CAP2: variants seen among roughly 807,000 people sequenced by gnomAD.
CAP2 encodes the protein adenylyl cyclase-associated protein 2.
Under a neutral mutation model 57.7 loss-of-function variants are expected in CAP2, and 24 were observed. The observed-to-expected ratio is 0.42, with a 90% CI of 0.30 to 0.58. The LOEUF (loss-of-function observed/expected upper bound fraction) is 0.58, where lower values mean the gene tolerates loss of function less well. Among genes scored for constraint, CAP2 ranks in the 20% least tolerant of loss-of-function variants. CAP2 has a pLI of 0.22. For synonymous variants in CAP2, 194 were observed against 207.2 expected (o/e 0.94, Z 0.55); for missense variants, 501 against 590.3 (o/e 0.85, Z 1.57).
intron 3 of CAP2, among the ~76,000 whole-genome samples, chr6:17,435,181 G>GTA (rs1357618245): frequency 4.4e-5 from 5 of 113,780 alleles, no homozygotes; most frequent in African/African-American, 1.3e-4. Flanking sequence ...CCATTACTGG[G>GTA]TATATATCCA....
intron 1 of CAP2, among the ~76,000 whole-genome samples, chr6:17,405,247 T>A (rs1346505740): frequency 6.6e-6 from 1 of 151,838 alleles, no homozygotes; most frequent in Non-Finnish European, 1.5e-5. Flanking sequence ...CCAGGTGTGG[T>A]ATAGACGCTT....
Position 17,550,829 on chromosome 6 carries a change from G to A in CAP2, c.1210-635G>A, listed in dbSNP as rs531869856. ...TACTTATCTATATAATGAGTGTCCT[G>A]AGCCAAGCCCCCAGTTTTGTCTCCT... On this transcript the variant is annotated intron_variant, in intron 11 of 12. Coordinates refer to ENST00000229922, the MANE Select transcript of CAP2 (RefSeq NM_006366.3). 1.4e-4 allele frequency among the ~76,000 whole-genome samples: 21 copies of A among 152,152 alleles called. No individual in the cohort carries two copies. In the South Asian group the frequency reaches 3.9e-3, roughly 29 times the overall value.
intron 1 of CAP2, among the ~76,000 whole-genome samples, chr6:17,397,476 C>G (rs550907755): frequency 6.6e-6 from 1 of 151,866 alleles, no homozygotes; most frequent in Non-Finnish European, 1.5e-5. Flanking sequence ...GGGCGCATCA[C>G]GAGGTCAGGA....
At chr6:17,394,900 GA>G (rs1270526683) in intron 1 of CAP2, among the ~76,000 whole-genome samples, 3 of 152,200 alleles carry the variant, frequency 2.0e-5, no homozygotes, top group Admixed American at 6.5e-5. Flanking sequence ...GTAATGGATA[GA>G]CAATAAAAGT....
At chr6:17,494,490 G>A (rs993219767) in intron 4 of CAP2, among the ~76,000 whole-genome samples, 1 of 152,086 alleles carries the variant, frequency 6.6e-6, no homozygotes, top group African/African-American at 2.4e-5. Context: ...GCCACTTCCA[G>A]ATATTTATTC....
intron 1 of CAP2, among the ~76,000 whole-genome samples, chr6:17,409,034 C>T (rs1353255532): frequency 2.0e-5 from 3 of 150,726 alleles, no homozygotes; most frequent in East Asian, 2.0e-4. Context: ...TTGCAGTCTG[C>T]GGTGATTTTG....
chr6:17,477,172 C>A (rs1386325150), intron 4 of CAP2, among the ~76,000 whole-genome samples: 2 of 152,190 alleles, frequency 1.3e-5, no homozygotes, highest in Non-Finnish European at 2.9e-5. Flanking sequence ...CCGTGCCCGG[C>A]CTTATTTTCT....
chr6:17,462,963 C>T (rs1216143648), intron 3 of CAP2, 33 bp from the exon 4 acceptor site: 1 of 1,567,336 alleles, frequency 6.4e-7, no homozygotes, highest in South Asian at 1.1e-5. Context: ...AGGAGTCAAA[C>T]ATTGAAACTG....
At chr6:17,517,664 G>T (rs985340569) in intron 7 of CAP2, among the ~76,000 whole-genome samples, 34 of 152,162 alleles carry the variant, frequency 2.2e-4, no homozygotes, top group Admixed American at 1.5e-3. Context: ...ACTTTGGAAG[G>T]CTGAGGCAGG....
intron 7 of CAP2, chr6:17,531,479 G>A (rs183700398): frequency 2.2e-5 from 33 of 1,493,084 alleles, no homozygotes; most frequent in Admixed American, 1.7e-4. Flanking sequence ...ATAGTGCTTC[G>A]CTTTTTCATA....
intron 4 of CAP2, among the ~76,000 whole-genome samples, chr6:17,470,744 T>C (rs1047646382): frequency 3.3e-5 from 5 of 152,154 alleles, no homozygotes; most frequent in African/African-American, 9.7e-5. Flanking sequence ...AGTAACAGAT[T>C]TGGTGAGCAT....
chr6:17,461,836 CAA>C (rs566619833), intron 3 of CAP2, among the ~76,000 whole-genome samples: 1 of 149,070 alleles, frequency 6.7e-6, no homozygotes. Flanking sequence ...ACTAAAAATA[CAA>C]AAAAATTAGC....
intron 4 of CAP2, among the ~76,000 whole-genome samples, chr6:17,463,435 C>T (rs3777696): frequency 0.48 from 73,397 of 151,996 alleles, 18,823 homozygotes; most frequent in East Asian, 0.84. Flanking sequence ...AGTCTCACAA[C>T]CTTTTTATAA....
At chr6:17,547,255 C>T (rs1238114262) in intron 11 of CAP2, among the ~76,000 whole-genome samples, 5 of 152,094 alleles carry the variant, frequency 3.3e-5, no homozygotes. Context: ...AGCATGATTT[C>T]ATTCTTCTAA....
At chr6:17,421,397 A>T (rs1759441698) in intron 1 of CAP2, among the ~76,000 whole-genome samples, 158 bp from the exon 2 acceptor site, 1 of 152,252 alleles carries the variant, frequency 6.6e-6, no homozygotes, top group Non-Finnish European at 1.5e-5. Flanking sequence ...GAGATTAAAA[A>T]GCAACAATAA....
intron 7 of CAP2, chr6:17,531,372 C>A: frequency 1.3e-6 from 2 of 1,591,196 alleles, no homozygotes; most frequent in Non-Finnish European, 1.7e-6. Flanking sequence ...ATGACAAACG[C>A]CAATTTGGGT....
chr6:17,404,821 A>G (rs1311864990), intron 1 of CAP2, among the ~76,000 whole-genome samples: 1 of 152,126 alleles, frequency 6.6e-6, no homozygotes, highest in African/African-American at 2.4e-5. Context: ...ACACGTCTCA[A>G]AAGAGGATAA....
At chr6:17,476,123 G>C (rs142774038) in intron 4 of CAP2, among the ~76,000 whole-genome samples, 9 of 152,266 alleles carry the variant, frequency 5.9e-5, no homozygotes, top group Non-Finnish European at 1.0e-4. Context: ...AGCACAGACA[G>C]GACAAACTAT....
chr6:17,541,015 C>T lies in CAP2; in HGVS notation c.869C>T (p.Pro290Leu). ...VTDDQKTYKN[P>L]SLRAQGGQTQ... ...GATGACCAGAAGACATACAAAAATC[C>T]CAGCCTGCGGGCTCAAGGAGGGCAA... The change falls in exon 9 of 13, where the codon CCC becomes CTC. Residue 290 changes from proline to leucine, a missense_variant. By Grantham distance (98) the Pro-to-Leu change is moderately conservative (BLOSUM62 -3). Coordinates refer to ENST00000229922, the MANE Select transcript of CAP2 (RefSeq NM_006366.3). The T allele has an allele frequency of 1.2e-6, 2 of 1,614,040 alleles. No individual in the cohort carries two copies. Among genetic ancestry groups the T allele is most frequent in the South Asian group, 2.2e-5 (2 of 91,070 alleles).
Sources: gnomAD v4.1 joint callset for allele counts (sites outside exome capture counted in the v4.1 genomes callset) on GRCh38, gnomAD v4.1.1 for gene constraint, MANE v1.5 for transcripts, NCBI Gene and HGNC (gene_info 2026-07-23, HGNC 2026-07-21) for gene names.